The following ETV1 variants were observed in gnomAD, a reference collection of about 807,000 sequenced individuals.
The protein encoded by ETV1 is ETS translocation variant 1.
In ETV1, 27 loss-of-function variants were observed where a neutral mutation model predicts 62.3. The observed-to-expected ratio is 0.43, with a 90% CI of 0.32 to 0.60. The LOEUF (loss-of-function observed/expected upper bound fraction) is 0.60. Ranked by LOEUF, ETV1 falls within the 20% of genes least tolerant of loss-of-function variation. ETV1 has a pLI of 0.06. For missense variants in ETV1, 605 were observed against 605.8 expected (o/e 1.00, Z 0.01); for synonymous variants, 222 against 199.6 (o/e 1.11, Z -0.94).
chr7:13,912,844 T>G (rs1210503867), intron 9 of ETV1, among the ~76,000 whole-genome samples: 1 of 152,228 alleles, frequency 6.6e-6, no homozygotes. Flanking sequence ...GTGATATCAG[T>G]TAATTTATGA....
At chr7:13,942,056 C>G (rs1241084011) in intron 6 of ETV1, among the ~76,000 whole-genome samples, 2 of 125,582 alleles carry the variant, frequency 1.6e-5, no homozygotes, top group African/African-American at 6.1e-5. Context: ...CGGAGTCTCA[C>G]TCTTTCGCCC....
chr7:13,937,402 C>G (rs1786927148), intron 7 of ETV1, among the ~76,000 whole-genome samples: 1 of 152,220 alleles, frequency 6.6e-6, no homozygotes, highest in African/African-American at 2.4e-5. Context: ...AAATGCTGTA[C>G]TCAATAATAT....
chr7:13,986,060 C>A, intron 5 of ETV1: 3 of 1,189,316 alleles, frequency 2.5e-6, no homozygotes, highest in Non-Finnish European at 3.6e-6. Context: ...TTTTTAAAAT[C>A]CTCATATCTC....
rs2128399135 is a variant in ETV1 at position 13,895,896 on chromosome 7, G to A, written c.1404C>T (p.Pro468=). ...ACACGTAGCCTTCGTTGTAGGGGTG[G>A]GGGTTGCAGCAGCCCCCTTCCGGCA... ...AYMPEGGCCN[P]HPYNEGYVY The change falls in exon 14 of 14, where the codon CCC becomes CCT. Residue 468 remains proline, a synonymous_variant. Transcript: ENST00000430479. 6.2e-7 allele frequency: 1 copy of A among 1,613,700 alleles called. No homozygotes were observed. Among genetic ancestry groups the A allele is most frequent in the Non-Finnish European group, 8.5e-7 (1 of 1,179,816 alleles).
At chr7:13,907,939 G>A in intron 11 of ETV1, 1 of 405,886 alleles carries the variant, frequency 2.5e-6, no homozygotes, top group South Asian at 1.9e-5. Flanking sequence ...ATATAGAAGT[G>A]TATCTTCATA....
At chr7:13,929,507 T>A (rs1038308905) in intron 9 of ETV1, among the ~76,000 whole-genome samples, 2 of 152,140 alleles carry the variant, frequency 1.3e-5, no homozygotes, top group African/African-American at 4.8e-5. Context: ...TACCCAGTCT[T>A]CAGATCCTGA....
chr7:13,931,838 G>A (rs778306370), intron 8 of ETV1, 89 bp from the exon 9 acceptor site: 396 of 1,480,584 alleles, frequency 2.7e-4, no homozygotes, highest in Non-Finnish European at 3.4e-4. Flanking sequence ...CTTAGTGAAC[G>A]AACATGATAC....
At chr7:13,911,063 G>T (rs989629737) in intron 10 of ETV1, among the ~76,000 whole-genome samples, 176 bp downstream of exon 10, 1 of 152,154 alleles carries the variant, frequency 6.6e-6, no homozygotes, top group African/African-American at 2.4e-5. Flanking sequence ...TTAACAACAA[G>T]ATACCACTAC....
intron 6 of ETV1, among the ~76,000 whole-genome samples, chr7:13,951,812 T>G (rs1788843664): frequency 6.6e-6 from 1 of 152,160 alleles, no homozygotes; most frequent in African/African-American, 2.4e-5. Flanking sequence ...TGTAAGAATT[T>G]AATGACGTAA....
chr7:13,896,438 CT>C (rs1479058197), intron 13 of ETV1, among the ~76,000 whole-genome samples: 3 of 151,980 alleles, frequency 2.0e-5, no homozygotes, highest in Non-Finnish European at 2.9e-5. Flanking sequence ...ATATTGAAAG[CT>C]TTTTTTCTGC....
At chr7:13,977,357 C>G in intron 6 of ETV1, 70 bp downstream of exon 6, 1 of 1,106,052 alleles carries the variant, frequency 9.0e-7, no homozygotes, top group Non-Finnish European at 1.3e-6. Context: ...GAAAACCAAC[C>G]AAAGAGAAAG....
chr7:13,941,704 C>T (rs1787523360), intron 6 of ETV1, among the ~76,000 whole-genome samples: 1 of 151,962 alleles, frequency 6.6e-6, no homozygotes, highest in African/African-American at 2.4e-5. Context: ...AACCCCATCT[C>T]CACTAAAAAT....
intron 9 of ETV1, among the ~76,000 whole-genome samples, chr7:13,918,107 G>A (rs1395441066): frequency 1.3e-5 from 2 of 151,708 alleles, no homozygotes; most frequent in Non-Finnish European, 2.9e-5. Context: ...TACATGATTT[G>A]AAAAAAAACA....
intron 8 of ETV1, among the ~76,000 whole-genome samples, chr7:13,933,508 C>T (rs935109078): frequency 1.3e-5 from 2 of 152,148 alleles, no homozygotes; most frequent in African/African-American, 4.8e-5. Context: ...GAAAAAGTGC[C>T]AAAGGGCTGG....
At chr7:13,983,059 G>A (rs1309692997) in intron 5 of ETV1, among the ~76,000 whole-genome samples, 1 of 151,958 alleles carries the variant, frequency 6.6e-6, no homozygotes, top group Non-Finnish European at 1.5e-5. Flanking sequence ...TTCGTATGAT[G>A]TAATAAGCTT....
chr7:13,920,417 T>C lies in ETV1; in HGVS notation c.803-9110A>G, dbSNP rs73274824. On this transcript the variant is annotated intron_variant, in intron 9 of 13. Coordinates refer to ENST00000430479, the MANE Select transcript of ETV1 (RefSeq NM_004956.5). ...ACTACACCCTTCAGCTCTGTATAAA[T>C]GGACATTCCAGAGAGAGTGAGTGAG... Among the ~76,000 whole-genome samples the C allele has an allele frequency of 7.0e-3, 1,052 of 150,876 alleles. 14 individuals carry two copies. The highest frequency in any genetic ancestry group is 0.023 in the African/African-American group (935 of 41,088).
chr7:13,891,604 C>T lies in ETV1; in HGVS notation c.*4262G>A, dbSNP rs964318118. ...TTTTTAAGTATGTCAAAGTGAGTCTCATGTATATAAAAAAAGAAGTCCTAA... is the reference window on the plus strand; with the variant it reads ...TTTTTAAGTATGTCAAAGTGAGTCTTATGTATATAAAAAAAGAAGTCCTAA... On this transcript the variant is annotated 3_prime_UTR_variant, in exon 14 of 14. Transcript: ENST00000430479. 4.3e-6 allele frequency: 1 copy of T among 231,298 alleles called. No homozygotes were observed. The highest frequency in any genetic ancestry group is 1.8e-4 in the South Asian group (1 of 5,498). 14.3% of individuals were successfully genotyped at this position (231,298 alleles called of 1,614,324 possible).
intron 5 of ETV1, chr7:13,986,059 T>G: frequency 1.0e-5 from 13 of 1,282,934 alleles, no homozygotes; most frequent in South Asian, 1.3e-5. Flanking sequence ...ATTTTTAAAA[T>G]CCTCATATCT....
intron 9 of ETV1, among the ~76,000 whole-genome samples, chr7:13,922,627 G>T (rs1356478214): frequency 3.3e-5 from 5 of 152,136 alleles, no homozygotes; most frequent in African/African-American, 1.2e-4. Flanking sequence ...CACATAGAAT[G>T]TTCAAGAGGG....
Sources: gnomAD v4.1 joint callset for allele counts (sites outside exome capture counted in the v4.1 genomes callset) on GRCh38, gnomAD v4.1.1 for gene constraint, MANE v1.5 for transcripts, NCBI Gene and HGNC (gene_info 2026-07-23, HGNC 2026-07-21) for gene names.